SLC38A2: variants seen among roughly 807,000 people sequenced by gnomAD.
The protein encoded by SLC38A2 is sodium-coupled neutral amino acid symporter 2.
In SLC38A2, 11 loss-of-function variants were observed where a neutral mutation model predicts 61.5. The observed-to-expected ratio is 0.18, with a 90% CI of 0.11 to 0.30. SLC38A2 has a LOEUF of 0.30. Ranked by LOEUF, SLC38A2 falls within the 10% of genes least tolerant of loss-of-function variation. SLC38A2 has a pLI of 1.00. For synonymous variants in SLC38A2, 217 were observed against 212.5 expected, an observed-to-expected ratio of 1.02 and a Z score of -0.18; for missense variants, 522 against 600.4, an observed-to-expected ratio of 0.87 and a Z score of 1.36.
intron 8 of SLC38A2, 38 bp downstream of exon 8, chr12:46,365,069 G>A (rs761706990): frequency 1.3e-6 from 2 of 1,519,068 alleles, no homozygotes; most frequent in Non-Finnish European, 9.1e-7. Flanking sequence ...ACTGGTGAGA[G>A]GCTCATTTCA....
At position 46,359,129 on chromosome 12, in the gene SLC38A2, T is replaced by C. The variant is rs1943054414; in HGVS notation, c.*1982A>G. The C allele has an allele frequency of 6.6e-6, 1 of 152,434 alleles. No homozygotes were observed. The highest frequency in any genetic ancestry group is 1.9e-4 in the East Asian group (1 of 5,182). The allele number at this position is 152,434 out of a possible 1,614,324, so 9.4% of individuals were successfully genotyped here. On this transcript the variant is annotated 3_prime_UTR_variant, in exon 16 of 16. Transcript: ENST00000256689. ...AAGTCTGTAGAAACAACTCTTGGTA[T>C]TCCCTGGCAGGTCTTAGATACAAAG... is the stretch of plus-strand genomic sequence containing the variant.
At position 46,361,092 on chromosome 12, in the gene SLC38A2, T is replaced by G; in HGVS notation, c.*19A>C. 1 of 1,599,440 alleles carries G rather than the reference T, an allele frequency of 6.3e-7. No homozygotes were observed. Among genetic ancestry groups the G allele is most frequent in the Non-Finnish European group, 8.6e-7 (1 of 1,168,266 alleles). On this transcript the variant is annotated 3_prime_UTR_variant, in exon 16 of 16. Transcript: ENST00000256689. ...ACACTGGCATCAGATGGACTGAGTTTGAGTTTGAGTGGTGCCAATTAATGG... is the reference window on the plus strand; with the variant it reads ...ACACTGGCATCAGATGGACTGAGTTGGAGTTTGAGTGGTGCCAATTAATGG...
intron 1 of SLC38A2, 152 bp downstream of exon 1, chr12:46,372,357 G>C (rs1009541792): frequency 2.2e-5 from 5 of 232,320 alleles, no homozygotes; most frequent in African/African-American, 1.1e-4. Context: ...GGCGGGCCAG[G>C]GTGGAAGGCT....
chr12:46,369,854 T>C (rs1174101799), intron 4 of SLC38A2, among the ~76,000 whole-genome samples: 1 of 152,188 alleles, frequency 6.6e-6, no homozygotes, highest in Non-Finnish European at 1.5e-5. Context: ...TAATTAAGTC[T>C]AACTGTGCAA....
intron 1 of SLC38A2, 103 bp from the exon 2 acceptor site, chr12:46,371,482 G>A: frequency 1.1e-5 from 6 of 562,530 alleles, no homozygotes; most frequent in Admixed American, 6.9e-5. Context: ...CAGGCCAGGC[G>A]AGTGGAAAAG....
rs561478005 is a variant in SLC38A2 at position 46,366,765 on chromosome 12, G to A, written c.563+99C>T. 73 of 1,057,912 alleles carry A rather than the reference G, an allele frequency of 6.9e-5. No individual in the cohort carries two copies. The African/African-American group carries it at 2.1e-3, about 31-fold the overall frequency. 65.5% of individuals were successfully genotyped at this position (1,057,912 alleles called of 1,614,324 possible). ...GTCAGTTTCAAAAGGAACATTTATG[G>A]ATAATTAACTAATCATTTTGTATAC... On this transcript the variant is annotated intron_variant, in intron 7 of 15. Coordinates refer to ENST00000256689, the MANE Select transcript of SLC38A2 (RefSeq NM_018976.5).
intron 6 of SLC38A2, 36 bp downstream of exon 6, chr12:46,367,040 A>G (rs769601297): frequency 3.7e-6 from 6 of 1,608,354 alleles, no homozygotes; most frequent in East Asian, 2.2e-5. Context: ...CAATGAGCAT[A>G]AAGTCTACCC....
chr12:46,362,253 A>T, intron 15 of SLC38A2, 31 bp downstream of exon 15: 1 of 1,487,856 alleles, frequency 6.7e-7, no homozygotes. Context: ...TGATATTATT[A>T]CTGTTTCTAT....
At chr12:46,367,507 G>A (rs1592205867) in intron 4 of SLC38A2, 167 bp from the exon 5 acceptor site, 1 of 609,838 alleles carries the variant, frequency 1.6e-6, no homozygotes, top group East Asian at 2.8e-5. Flanking sequence ...TGGCAACACT[G>A]TCTCTTGGCT....
intron 15 of SLC38A2, among the ~76,000 whole-genome samples, chr12:46,361,494 T>G (rs942660751): frequency 2.6e-5 from 4 of 152,162 alleles, no homozygotes; most frequent in Admixed American, 2.0e-4. Context: ...AGAACTGGAC[T>G]GGATTTTTTT....
Position 46,362,613 on chromosome 12 carries a change from A to G in SLC38A2, c.1205T>C (p.Leu402Ser). ...CCAACTGAAATCTTTTGATGCACACAACAAGTGAGTTACAGAACTCCGGAT... is the reference window on the plus strand; with the variant it reads ...CCAACTGAAATCTTTTGATGCACACGACAAGTGAGTTACAGAACTCCGGAT... ...FPIRSSVTHL[L>S]CASKDFSWWR... Residue 402 changes from leucine to serine, a missense_variant, in exon 14 of 16, where the codon TTG (leucine) becomes TCG (serine). By Grantham distance (145) the Leu-to-Ser change is moderately radical (BLOSUM62 -2). Transcript: ENST00000256689. 2 of 1,581,876 alleles carry G rather than the reference A, an allele frequency of 1.3e-6. No homozygotes were observed. The highest frequency in any genetic ancestry group is 1.2e-5 in the South Asian group (1 of 83,358).
In SLC38A2 at chr12:46,361,212, G is replaced by C; in HGVS notation, c.1423-3C>G. ...CCACTTAACAGGAAGAACAAAGCCTGCAAAGAGCATAGAGAAAATTGATCA... is the reference window on the plus strand; with the variant it reads ...CCACTTAACAGGAAGAACAAAGCCTCCAAAGAGCATAGAGAAAATTGATCA... On this transcript the variant is annotated splice_polypyrimidine_tract_variant and splice_region_variant and intron_variant, in intron 15 of 15. Transcript: ENST00000256689. 6.2e-7 allele frequency: 1 copy of C among 1,611,424 alleles called. No homozygotes were observed. The highest frequency in any genetic ancestry group is 8.5e-7 in the Non-Finnish European group (1 of 1,178,380).
At chr12:46,367,369 T>C (rs1445776961) in intron 4 of SLC38A2, 29 bp from the exon 5 acceptor site, 2 of 1,186,958 alleles carry the variant, frequency 1.7e-6, no homozygotes, top group Admixed American at 3.6e-5. Context: ...GGCATAGGGT[T>C]ATAAATAAGC....
Position 46,363,169 on chromosome 12 carries a change from TTTGA to T in SLC38A2, c.1055-28_1055-25del, listed in dbSNP as rs780755334. 6.8e-6 allele frequency: 11 copies of T among 1,606,686 alleles called. No homozygotes were observed. The East Asian group carries it at 8.9e-5, about 13-fold the overall frequency. On this transcript the variant is annotated intron_variant, in intron 12 of 15. Transcript: ENST00000256689. ...TTCTACAGGGAAAGACCAAAAAAAC[TTTGA>T]TTGGCTGTTTTCATTGGACACCAAG... is the stretch of plus-strand genomic sequence containing the variant.
At chr12:46,370,372 T>G (rs192435314) in intron 4 of SLC38A2, 140 bp downstream of exon 4, 20 of 644,876 alleles carry the variant, frequency 3.1e-5, no homozygotes, top group African/African-American at 2.5e-4. Flanking sequence ...AGAGATTTTT[T>G]GGGGTTTCTC....
At chr12:46,369,659 C>T (rs1381495216) in intron 4 of SLC38A2, among the ~76,000 whole-genome samples, 1 of 152,148 alleles carries the variant, frequency 6.6e-6, no homozygotes, top group Non-Finnish European at 1.5e-5. Flanking sequence ...ACAAACATCA[C>T]TGAAAAATAC....
intron 13 of SLC38A2, 22 bp from the exon 14 acceptor site, chr12:46,362,660 T>G (rs199873679): frequency 6.5e-7 from 1 of 1,549,622 alleles, no homozygotes; most frequent in Non-Finnish European, 8.6e-7. Context: ...ATAAATAAAA[T>G]GTATTTTAAA....
At chr12:46,368,852 A>C (rs1943165920) in intron 4 of SLC38A2, among the ~76,000 whole-genome samples, 1 of 152,208 alleles carries the variant, frequency 6.6e-6, no homozygotes, top group African/African-American at 2.4e-5. Context: ...AGACTTTATA[A>C]CCTTTGAGGT....
intron 4 of SLC38A2, 101 bp from the exon 5 acceptor site, chr12:46,367,441 C>T (rs1943150868): frequency 1.4e-6 from 1 of 724,704 alleles, no homozygotes; most frequent in Admixed American, 2.3e-5. Context: ...TGCAACTTGT[C>T]CTATTTGTGT....
Sources: allele counts gnomAD v4.1 joint callset (sites outside exome capture counted in the v4.1 genomes callset), GRCh38; gene constraint gnomAD v4.1.1; transcripts MANE v1.5; gene names NCBI Gene and HGNC (gene_info 2026-07-23, HGNC 2026-07-21).